Variants in TMEM135 observed in about 807,000 individuals in gnomAD.
TMEM135 encodes peroxisomal membrane protein 52.
TMEM135 carries 30 observed loss-of-function variants against 60.3 expected under a neutral mutation model. That is an observed-to-expected ratio of 0.50 (90% confidence interval 0.37 to 0.68). TMEM135 has a LOEUF of 0.68. Among genes scored for constraint, TMEM135 ranks in the 30% least tolerant of loss-of-function variants. The pLI is 0.00. For missense variants in TMEM135, 468 were observed against 548.8 expected (o/e 0.85, Z 1.47); for synonymous variants, 190 against 186.7 (o/e 1.02, Z -0.14).
At chr11:87,091,467 A>G in intron 4 of TMEM135, 72 bp downstream of exon 4, 1 of 1,480,428 alleles carries the variant, frequency 6.8e-7, no homozygotes, top group Non-Finnish European at 9.4e-7. Context: ...TTTCTTAAAA[A>G]AAGTAAAAGA....
intron 5 of TMEM135, among the ~76,000 whole-genome samples, chr11:87,196,943 G>A (rs1172582086): frequency 1.3e-5 from 2 of 151,688 alleles, no homozygotes; most frequent in East Asian, 3.9e-4. Flanking sequence ...GTTAAATATT[G>A]GTGTTTATAA....
intron 6 of TMEM135, among the ~76,000 whole-genome samples, chr11:87,273,728 A>G (rs1941914299): frequency 6.6e-6 from 1 of 152,216 alleles, no homozygotes; most frequent in African/African-American, 2.4e-5. Flanking sequence ...CTTTTGTTAG[A>G]TAATTGATAT....
chr11:87,251,182 C>T (rs1941408308), intron 6 of TMEM135, among the ~76,000 whole-genome samples: 1 of 122,880 alleles, frequency 8.1e-6, no homozygotes, highest in African/African-American at 3.1e-5. Context: ...AAATCTGGGT[C>T]AGGGATAGAA....
chr11:87,241,469 T>C (rs1941132735), intron 6 of TMEM135, among the ~76,000 whole-genome samples: 1 of 152,144 alleles, frequency 6.6e-6, no homozygotes, highest in African/African-American at 2.4e-5. Flanking sequence ...GATAAATGAT[T>C]CATTGCCTCA....
At chr11:87,040,021 T>C (rs922536839) in intron 1 of TMEM135, among the ~76,000 whole-genome samples, 1 of 152,222 alleles carries the variant, frequency 6.6e-6, no homozygotes, top group Non-Finnish European at 1.5e-5. Context: ...TAAGTACTTA[T>C]TGAGGATAAA....
At chr11:87,195,381 CCT>C (rs1565482181) in intron 5 of TMEM135, among the ~76,000 whole-genome samples, 22 of 123,542 alleles carry the variant, frequency 1.8e-4, no homozygotes, top group African/African-American at 5.1e-4. Flanking sequence ...TTCCTTCCTT[CCT>C]TCCTTCCTTC....
chr11:87,066,776 A>AT (rs1856667966), intron 1 of TMEM135, among the ~76,000 whole-genome samples: 2 of 134,344 alleles, frequency 1.5e-5, no homozygotes, highest in Non-Finnish European at 3.2e-5. Context: ...TTGTTACTAG[A>AT]TTCTTTCTTT....
chr11:87,319,744 T>C (rs551461870), intron 14 of TMEM135, among the ~76,000 whole-genome samples: 3 of 152,220 alleles, frequency 2.0e-5, no homozygotes, highest in African/African-American at 7.2e-5. Context: ...AATAGTCATA[T>C]TGTGTTGCTT....
chr11:87,306,703 G>C (rs1322143769), intron 9 of TMEM135, among the ~76,000 whole-genome samples: 1 of 152,042 alleles, frequency 6.6e-6, no homozygotes, highest in Non-Finnish European at 1.5e-5. Flanking sequence ...ACCACCTGCT[G>C]CAAGTTCTTT....
chr11:87,274,543 C>A (rs1416635706), intron 6 of TMEM135, among the ~76,000 whole-genome samples: 2 of 152,144 alleles, frequency 1.3e-5, no homozygotes, highest in Admixed American at 6.6e-5. Context: ...CTTTAGGAGT[C>A]TTACGGCAAA....
chr11:87,101,674 G>T lies in TMEM135; in HGVS notation c.396+10279G>T, dbSNP rs1591020002. ...TCTGTATTTGATTTTTCAAACATAG[G>T]TTTGAAAATGGTGATTCAGCCTAGG... On this transcript the variant is annotated intron_variant, in intron 4 of 14. Coordinates refer to ENST00000305494, the MANE Select transcript of TMEM135 (RefSeq NM_022918.4). Among the ~76,000 whole-genome samples the T allele has an allele frequency of 5.9e-5, 9 of 152,220 alleles. No individual in the cohort carries two copies. The South Asian group carries it at 1.9e-3, about 32-fold the overall frequency.
chr11:87,059,307 C>CTTT (rs774797136), intron 1 of TMEM135, among the ~76,000 whole-genome samples: 12,454 of 134,480 alleles, frequency 0.093, 663 homozygotes, highest in Non-Finnish European at 0.11. Context: ...GTTTGAAGTT[C>CTTT]TTTTTTTTTT....
intron 6 of TMEM135, among the ~76,000 whole-genome samples, chr11:87,256,646 A>G (rs1941532953): frequency 6.6e-6 from 1 of 152,202 alleles, no homozygotes; most frequent in Admixed American, 6.5e-5. Flanking sequence ...TTAAGATTAT[A>G]TTAAAGTGAT....
At chr11:87,284,057 A>G (rs559348839) in intron 6 of TMEM135, among the ~76,000 whole-genome samples, 1 of 152,300 alleles carries the variant, frequency 6.6e-6, no homozygotes, top group East Asian at 1.9e-4. Context: ...GTTCGTAGCA[A>G]TGCCATAATT....
intron 6 of TMEM135, among the ~76,000 whole-genome samples, chr11:87,263,885 G>T (rs1013956035): frequency 6.6e-6 from 1 of 151,880 alleles, no homozygotes; most frequent in African/African-American, 2.4e-5. Context: ...ATTTATGTGA[G>T]GGACATGGCA....
chr11:87,274,850 G>GTATATATATGCATATATATT (rs1554983376), intron 6 of TMEM135, among the ~76,000 whole-genome samples: 45 of 147,768 alleles, frequency 3.0e-4, no homozygotes, highest in Non-Finnish European at 6.3e-4. Context: ...ATATATGTGT[G>GTATATATATGCATATATATT]TATATATATG....
At chr11:87,234,979 AG>A (rs1389390886) in intron 5 of TMEM135, among the ~76,000 whole-genome samples, 1 of 151,932 alleles carries the variant, frequency 6.6e-6, no homozygotes, top group Non-Finnish European at 1.5e-5. Context: ...GTGATCTGCA[AG>A]GGGGACACTG....
At chr11:87,133,958 G>A (rs1938013360) in intron 4 of TMEM135, among the ~76,000 whole-genome samples, 1 of 151,952 alleles carries the variant, frequency 6.6e-6, no homozygotes, top group Admixed American at 6.6e-5. Flanking sequence ...AGGATTTGAT[G>A]ATTATGAGTA....
rs1329646072 is a variant in TMEM135 at position 87,309,787 on chromosome 11, C to A, written c.936+115C>A. 3.6e-6 allele frequency: 4 copies of A among 1,105,716 alleles called. No homozygotes were observed. In the East Asian group the frequency reaches 7.6e-5, roughly 21 times the overall value. 68.5% of individuals were successfully genotyped at this position (1,105,716 alleles called of 1,614,324 possible). Reference sequence around the variant, plus strand: ...AATGCTTCTTTCTGGAATATTCATACATATCTTGACATAACCAAATCTATA... The same window carrying A: ...AATGCTTCTTTCTGGAATATTCATAAATATCTTGACATAACCAAATCTATA... On this transcript the variant is annotated intron_variant, in intron 10 of 14. Coordinates refer to ENST00000305494, the MANE Select transcript of TMEM135 (RefSeq NM_022918.4).
Sources: gnomAD v4.1 joint callset for allele counts (sites outside exome capture counted in the v4.1 genomes callset) on GRCh38, gnomAD v4.1.1 for gene constraint, MANE v1.5 for transcripts, NCBI Gene and HGNC (gene_info 2026-07-23, HGNC 2026-07-21) for gene names.